The following ATP8B1 variants were observed in gnomAD, a reference collection of about 807,000 sequenced individuals.
ATP8B1 encodes ATPase phospholipid transporting 8B1.
A neutral mutation model predicts 149.9 loss-of-function variants in ATP8B1; 80 were observed. The observed-to-expected ratio is 0.53, with a 90% CI of 0.45 to 0.64. The LOEUF (loss-of-function observed/expected upper bound fraction) is 0.64. ATP8B1 is among the 30% of genes least tolerant of loss of function. The pLI, the probability that ATP8B1 is intolerant of heterozygous loss-of-function variation, is 0.00. For missense variants in ATP8B1, 1,247 were observed against 1,552.6 expected, an observed-to-expected ratio of 0.80 and a Z score of 3.31; for synonymous variants, 536 against 562.8, an observed-to-expected ratio of 0.95 and a Z score of 0.67.
intron 1 of ATP8B1, among the ~76,000 whole-genome samples, chr18:57,756,508 C>T (rs1408675153): frequency 1.3e-5 from 2 of 151,868 alleles, no homozygotes; most frequent in African/African-American, 4.8e-5. Flanking sequence ...ACCATGTTGG[C>T]CAGGCTGGTC....
At chr18:57,795,270 G>A (rs1354155841) in intron 1 of ATP8B1, among the ~76,000 whole-genome samples, 1 of 151,942 alleles carries the variant, frequency 6.6e-6, no homozygotes, top group African/African-American at 2.4e-5. Context: ...GGGTGTGGTG[G>A]TGAGTGTCTG....
chr18:57,673,004 A>T (rs1370526267), intron 16 of ATP8B1, among the ~76,000 whole-genome samples: 3 of 112,876 alleles, frequency 2.7e-5, no homozygotes, highest in Non-Finnish European at 3.6e-5. Context: ...TGTATATATA[A>T]ATATACATAT....
chr18:57,667,919 G>A (rs1910977230), intron 19 of ATP8B1: 1 of 362,738 alleles, frequency 2.8e-6, no homozygotes, highest in Non-Finnish European at 4.6e-6. Context: ...TTGATTTCTT[G>A]TGGAAGGCTT....
intron 22 of ATP8B1, among the ~76,000 whole-genome samples, chr18:57,659,468 TC>T (rs1320020569): frequency 6.6e-6 from 1 of 151,810 alleles, no homozygotes; most frequent in African/African-American, 2.4e-5. Context: ...AGCAAACCCG[TC>T]CCCTCCCATT....
chr18:57,653,682 C>CTTTTTTTTTT (rs71171057), intron 24 of ATP8B1, among the ~76,000 whole-genome samples: 24 of 117,814 alleles, frequency 2.0e-4, no homozygotes, highest in African/African-American at 3.7e-4. Context: ...CCTCTTTTCT[C>CTTTTTTTTTT]TTTTTTTTTT....
rs6566893 is a variant in ATP8B1 at position 57,692,142 on chromosome 18, C to T, written c.1030-145G>A. On this transcript the variant is annotated intron_variant, in intron 11 of 27. Transcript: ENST00000648908. ...AATAATATATGTCAAATAAAAACAG[C>T]ACTATCATAACGCTTTGAAAGTCTA... 0.091 allele frequency: 120,788 copies of T among 1,325,408 alleles called. 6,012 individuals are homozygous for T. Among genetic ancestry groups the T allele is most frequent in the Middle Eastern group, 0.12 (493 of 3,976 alleles). 82.1% of individuals were successfully genotyped at this position (1,325,408 alleles called of 1,614,324 possible). A position where few individuals can be genotyped will look rare whatever the true frequency, so the allele number is the denominator to read the frequency against.
At chr18:57,715,124 C>G (rs756786207) in intron 2 of ATP8B1, among the ~76,000 whole-genome samples, 2 of 152,104 alleles carry the variant, frequency 1.3e-5, no homozygotes, top group Non-Finnish European at 2.9e-5. Context: ...CAAGACAACA[C>G]AGAAAAAGTT....
At chr18:57,661,023 G>T in intron 22 of ATP8B1, 151 bp downstream of exon 22, 1 of 1,058,638 alleles carries the variant, frequency 9.4e-7, no homozygotes, top group Non-Finnish European at 1.4e-6. Context: ...AGGGTCACAG[G>T]CGTTGTCATG....
In ATP8B1 at chr18:57,650,569, G is replaced by A. The variant is rs948543321; in HGVS notation, c.3401-72C>T. 3.2e-6 allele frequency: 5 copies of A among 1,557,162 alleles called. No individual in the cohort carries two copies. The African/African-American group carries it at 4.1e-5, about 13-fold the overall frequency. On this transcript the variant is annotated intron_variant, in intron 26 of 27. Coordinates refer to ENST00000648908, the MANE Select transcript of ATP8B1 (RefSeq NM_001374385.1). ...GAACATAGTTAATATTTCGCCAGGT[G>A]TGGTGGCTCATGCCTGTAATCCTAA...
At chr18:57,715,635 A>G (rs1455612848) in intron 2 of ATP8B1, among the ~76,000 whole-genome samples, 2 of 152,228 alleles carry the variant, frequency 1.3e-5, no homozygotes, top group Non-Finnish European at 2.9e-5. Context: ...GAAAAGAAAC[A>G]AATAAAATAC....
At chr18:57,707,655 C>T (rs528046712) in intron 2 of ATP8B1, among the ~76,000 whole-genome samples, 46 of 151,592 alleles carry the variant, frequency 3.0e-4, no homozygotes, top group African/African-American at 1.1e-3. Context: ...ATTACAGGTG[C>T]CTGCCACCAC....
chr18:57,776,173 C>T (rs992804390), intron 1 of ATP8B1, among the ~76,000 whole-genome samples: 2 of 152,134 alleles, frequency 1.3e-5, no homozygotes, highest in Non-Finnish European at 2.9e-5. Context: ...ACCAGGTAAG[C>T]ATACTTGATG....
At chr18:57,772,978 G>A (rs935282555) in intron 1 of ATP8B1, among the ~76,000 whole-genome samples, 12 of 152,016 alleles carry the variant, frequency 7.9e-5, no homozygotes, top group African/African-American at 7.2e-5. Context: ...GGCCTGGAGC[G>A]GTGGCTCATG....
chr18:57,651,132 G>A (rs969818410), intron 26 of ATP8B1, among the ~76,000 whole-genome samples: 2 of 151,972 alleles, frequency 1.3e-5, no homozygotes, highest in Admixed American at 1.3e-4. Context: ...TTTGAGATAG[G>A]GTCTCACTCT....
At chr18:57,718,984 C>T (rs1014098383) in intron 2 of ATP8B1, among the ~76,000 whole-genome samples, 26 of 152,156 alleles carry the variant, frequency 1.7e-4, no homozygotes, top group African/African-American at 6.3e-4. Context: ...TGCCTACTTT[C>T]ACCAGAAGTC....
rs1599064175 is a variant in ATP8B1 at position 57,650,388 on chromosome 18, G to A, written c.3510C>T (p.Ile1170=). Residue 1170 remains isoleucine (I), a synonymous_variant, in exon 27 of 28, where the codon ATC becomes ATT. Transcript: ENST00000648908. ...VVAIRFLSMT[I]WPSESDKIQK... The stretch of plus-strand genomic sequence containing the variant: ...ATACCTTATCACTTTCTGATGGCCA[G>A]ATGGTCATTGACAGGAATCGAATGG... The A allele has an allele frequency of 1.9e-6, 3 of 1,613,680 alleles. No individual in the cohort carries two copies. The highest frequency in any genetic ancestry group is 1.3e-5 in the African/African-American group (1 of 74,924).
intron 26 of ATP8B1, 44 bp from the exon 27 acceptor site, chr18:57,650,541 T>G (rs1335860923): frequency 3.0e-5 from 48 of 1,601,870 alleles, no homozygotes; most frequent in Non-Finnish European, 3.9e-5. Context: ...TCTTTTTTCC[T>G]AAGAACATAG....
rs1434644440 is a variant in ATP8B1 at position 57,721,120 on chromosome 18, C to T, written c.181+10507G>A. On this transcript the variant is annotated intron_variant, in intron 2 of 27. Coordinates refer to ENST00000648908, the MANE Select transcript of ATP8B1 (RefSeq NM_001374385.1). ...AGCACTAAACATGGAAAGGAACAAC[C>T]GGTACCAGCCGCTGCAAAATCATGC... 5.6e-3 allele frequency among the ~76,000 whole-genome samples: 620 copies of T among 111,240 alleles called. 11 individuals carry two copies. The highest frequency in any genetic ancestry group is 0.02 in the African/African-American group (562 of 28,518). 73.0% of individuals were successfully genotyped at this position (111,240 alleles called of 152,430 possible). A position where few individuals can be genotyped will look rare whatever the true frequency, so the allele number is the denominator to read the frequency against.
chr18:57,775,972 A>T (rs112028399), intron 1 of ATP8B1, among the ~76,000 whole-genome samples: 197 of 152,218 alleles, frequency 1.3e-3, no homozygotes, highest in Middle Eastern at 3.4e-3. Context: ...CTATCCATTC[A>T]TGTGCTCCAT....
Sources: allele counts gnomAD v4.1 joint callset (sites outside exome capture counted in the v4.1 genomes callset), GRCh38; gene constraint gnomAD v4.1.1; transcripts MANE v1.5; gene names NCBI Gene and HGNC (gene_info 2026-07-23, HGNC 2026-07-21).